TUSC3: variants seen among roughly 807,000 people sequenced by gnomAD.
TUSC3 encodes dolichyl-diphosphooligosaccharide--protein glycosyltransferase subunit TUSC3.
A neutral mutation model predicts 44.8 loss-of-function variants in TUSC3; 45 were observed. The ratio of observed to expected loss-of-function variants is 1.00; its 90% CI spans 0.79 to 1.29. The LOEUF (loss-of-function observed/expected upper bound fraction) is 1.29, where lower values mean the gene tolerates loss of function less well. Among genes scored for constraint, TUSC3 ranks in the 50% most tolerant of loss-of-function variants. The pLI is 0.00. For synonymous variants in TUSC3, 212 were observed against 152.9 expected (o/e 1.39, Z -2.85); for missense variants, 519 against 437.9 (o/e 1.19, Z -1.65).
intron 1 of TUSC3, among the ~76,000 whole-genome samples, chr8:15,429,588 T>C (rs1799847497): frequency 6.6e-6 from 1 of 151,638 alleles, no homozygotes; most frequent in African/African-American, 2.4e-5. Context: ...TTCATGATAT[T>C]GATTCTTCCT....
At chr8:15,746,310 A>G (rs1260125660) in intron 8 of TUSC3, among the ~76,000 whole-genome samples, 1 of 152,024 alleles carries the variant, frequency 6.6e-6, no homozygotes, top group Non-Finnish European at 1.5e-5. Flanking sequence ...GCCACCCCCA[A>G]ATTAATTATT....
intron 2 of TUSC3, among the ~76,000 whole-genome samples, chr8:15,502,447 T>C (rs998123634): frequency 6.6e-6 from 1 of 152,206 alleles, no homozygotes; most frequent in Non-Finnish European, 1.5e-5. Flanking sequence ...AGAGCTCCTA[T>C]GTCGGATTAT....
intron 2 of TUSC3, among the ~76,000 whole-genome samples, chr8:15,523,676 G>GTT (rs1801331479): frequency 3.9e-5 from 1 of 25,424 alleles, no homozygotes; most frequent in East Asian, 1.4e-3. Context: ...GTGTGTGTGT[G>GTT]TGTGTGTGTG....
At chr8:15,700,806 G>T (rs1299924374) in intron 6 of TUSC3, among the ~76,000 whole-genome samples, 5 of 134,570 alleles carry the variant, frequency 3.7e-5, no homozygotes, top group African/African-American at 8.7e-5. Context: ...AAGAATGTTT[G>T]TTGTCCCTTT....
intron 1 of TUSC3, among the ~76,000 whole-genome samples, chr8:15,477,761 T>C (rs1229383915): frequency 1.3e-5 from 2 of 152,128 alleles, no homozygotes; most frequent in Non-Finnish European, 2.9e-5. Context: ...AATATATTTG[T>C]GTATACACAT....
intron 1 of TUSC3, among the ~76,000 whole-genome samples, chr8:15,431,738 C>G (rs1799875956): frequency 6.6e-6 from 1 of 150,776 alleles, no homozygotes; most frequent in Non-Finnish European, 1.5e-5. Flanking sequence ...CTTTGTCTTC[C>G]TCCTAATATT....
At chr8:15,592,583 C>T (rs1803887106) in intron 1 of TUSC3, among the ~76,000 whole-genome samples, 1 of 152,172 alleles carries the variant, frequency 6.6e-6, no homozygotes, top group African/African-American at 2.4e-5. Context: ...GATACATTGG[C>T]TCCCCCTTTG....
chr8:15,603,050 G>C (rs916231823), intron 1 of TUSC3, among the ~76,000 whole-genome samples: 3 of 151,534 alleles, frequency 2.0e-5, no homozygotes, highest in Admixed American at 1.3e-4. Flanking sequence ...AGAAAAGTCT[G>C]TGTGACAAAG....
At chr8:15,582,157 C>A (rs896574264) in intron 1 of TUSC3, among the ~76,000 whole-genome samples, 1 of 152,220 alleles carries the variant, frequency 6.6e-6, no homozygotes, top group Admixed American at 6.5e-5. Flanking sequence ...ATGCCTCGCC[C>A]TGCTTCGGCT....
the TUSC3 span, among the ~76,000 whole-genome samples, chr8:15,837,906 GT>G: frequency 6.6e-6 from 1 of 152,264 alleles, no homozygotes; most frequent in East Asian, 1.9e-4. Context: ...TTTAAAATCA[GT>G]TTTTCTTTAA....
intron 1 of TUSC3, among the ~76,000 whole-genome samples, chr8:15,588,011 C>T (rs1253013375): frequency 8.5e-5 from 13 of 152,084 alleles, no homozygotes; most frequent in African/African-American, 2.4e-4. Context: ...AATAGCATTG[C>T]AGTAAACATG....
At position 15,653,848 on chromosome 8, in the gene TUSC3, G is replaced by T. The variant is rs114794089; in HGVS notation, c.426+3034G>T. Among the ~76,000 whole-genome samples, 888 of 152,300 alleles carry T rather than the reference G, an allele frequency of 5.8e-3. 9 individuals carry two copies. The highest frequency in any genetic ancestry group is 0.02 in the African/African-American group (828 of 41,562). Reference sequence around the variant, plus strand: ...GAATTGATGTTTTAAAGCACTGTTAGCAGTAATGTGGTGTCTGAAGATAAT... The same window carrying T: ...GAATTGATGTTTTAAAGCACTGTTATCAGTAATGTGGTGTCTGAAGATAAT... On this transcript the variant is annotated intron_variant, in intron 3 of 10. Transcript: ENST00000503731.
intron 2 of TUSC3, among the ~76,000 whole-genome samples, chr8:15,639,435 C>T (rs1008802548): frequency 6.6e-6 from 1 of 152,130 alleles, no homozygotes; most frequent in African/African-American, 2.4e-5. Context: ...TCTTGATAGA[C>T]AGCTACAGGA....
intron 2 of TUSC3, among the ~76,000 whole-genome samples, chr8:15,484,796 A>T (rs1378445239): frequency 6.6e-6 from 1 of 152,248 alleles, no homozygotes; most frequent in South Asian, 2.1e-4. Context: ...ATCACTTTTA[A>T]AATGTTCATC....
rs188102812 is a variant in TUSC3 at position 15,587,741 on chromosome 8, A to G, written c.139-35339A>G. Among the ~76,000 whole-genome samples the G allele has an allele frequency of 1.1e-4, 16 of 152,166 alleles. No homozygotes were observed. The East Asian group carries it at 3.1e-3, about 29-fold the overall frequency. On this transcript the variant is annotated intron_variant, in intron 1 of 10. Transcript: ENST00000503731. ...TCCTCTCCTTCCCCCTACATTTCAC[A>G]GCCTCTAATAACCATAATTCTACTC...
In TUSC3 at chr8:15,512,870, G is replaced by GTATATATA. The variant is rs371387088; in HGVS notation, n.189+29388_189+29389insATATATAT. ...TGTGTGTGTGTGTATATATATGTGTGTGTATATATATATATACACACAATT... is the reference window on the plus strand; with the variant it reads ...TGTGTGTGTGTGTATATATATGTGTGTATATATATGTATATATATATATACACACAATT... On this transcript the variant is annotated intron_variant and non_coding_transcript_variant, in intron 2 of 5. Coordinates refer to the TUSC3 transcript ENST00000503191. 9.7e-3 allele frequency among the ~76,000 whole-genome samples: 978 copies of GTATATATA among 101,144 alleles called. 29 individuals carry two copies. The highest frequency in any genetic ancestry group is 0.031 in the African/African-American group (873 of 27,834). 66.4% of individuals were successfully genotyped at this position (101,144 alleles called of 152,430 possible).
At chr8:15,497,196 G>T (rs1391629170) in intron 2 of TUSC3, among the ~76,000 whole-genome samples, 3 of 152,116 alleles carry the variant, frequency 2.0e-5, no homozygotes, top group African/African-American at 7.2e-5. Flanking sequence ...GTTTAAGTTT[G>T]AGCAGGGACT....
chr8:15,694,587 C>T (rs981311640), intron 6 of TUSC3, among the ~76,000 whole-genome samples: 11 of 152,010 alleles, frequency 7.2e-5, no homozygotes, highest in African/African-American at 2.4e-4. Context: ...TAGAAGTTGT[C>T]ATCCTTTGGA....
At chr8:15,564,132 T>C (rs1046714117) in intron 1 of TUSC3, among the ~76,000 whole-genome samples, 51 of 152,254 alleles carry the variant, frequency 3.3e-4, no homozygotes, top group African/African-American at 1.2e-3. Context: ...TTTTAAAGTA[T>C]TAGTTTAGAT....
Sources: gnomAD v4.1 joint callset for allele counts (sites outside exome capture counted in the v4.1 genomes callset) on GRCh38, gnomAD v4.1.1 for gene constraint, MANE v1.5 for transcripts, NCBI Gene and HGNC (gene_info 2026-07-23, HGNC 2026-07-21) for gene names.